Variants in PSD3 observed in about 807,000 individuals in gnomAD.
The protein encoded by PSD3 is PH and SEC7 domain-containing protein 3.
In PSD3, 49 loss-of-function variants were observed where a neutral mutation model predicts 105.5. The ratio of observed to expected loss-of-function variants is 0.46; its 90% CI spans 0.37 to 0.59. PSD3 has a LOEUF of 0.59. Ranked by LOEUF, PSD3 falls within the 20% of genes least tolerant of loss-of-function variation. PSD3 has a pLI of 0.00. For missense variants in PSD3, 1,561 were observed against 1,263.8 expected (o/e 1.24, Z -3.57); for synonymous variants, 557 against 457.8 (o/e 1.22, Z -2.77).
intron 12 of PSD3, among the ~76,000 whole-genome samples, chr8:18,588,343 G>A (rs1803348113): frequency 6.6e-6 from 1 of 152,170 alleles, no homozygotes. Context: ...TCCATTGATT[G>A]AGGAATTAGT....
chr8:19,025,488 G>C (rs1827515932), intron 1 of PSD3, among the ~76,000 whole-genome samples: 1 of 152,140 alleles, frequency 6.6e-6, no homozygotes, highest in Non-Finnish European at 1.5e-5. Flanking sequence ...TGAGTTTCTT[G>C]ACGGTGTCCT....
intron 9 of PSD3, among the ~76,000 whole-genome samples, chr8:18,742,472 G>A (rs1023708541): frequency 6.6e-6 from 1 of 152,122 alleles, no homozygotes; most frequent in African/African-American, 2.4e-5. Flanking sequence ...GAAACAAACT[G>A]ATGTTATATC....
intron 4 of PSD3, among the ~76,000 whole-genome samples, chr8:18,853,739 T>C (rs1815775794): frequency 6.6e-6 from 1 of 152,066 alleles, no homozygotes; most frequent in Non-Finnish European, 1.5e-5. Flanking sequence ...ATGACTAAGC[T>C]CAAATTAGTG....
intron 10 of PSD3, 57 bp downstream of exon 10, chr8:18,655,585 A>G (rs1808827978): frequency 2.6e-5 from 39 of 1,487,660 alleles, no homozygotes; most frequent in Non-Finnish European, 3.7e-5. Flanking sequence ...AGGCATAAAG[A>G]CAGTAGGAAA....
At chr8:19,074,081 C>T (rs1016586511) in intron 1 of PSD3, among the ~76,000 whole-genome samples, 4 of 152,280 alleles carry the variant, frequency 2.6e-5, no homozygotes, top group East Asian at 1.9e-4. Flanking sequence ...CGAGCCACCG[C>T]GCCCCGCAGC....
chr8:19,014,053 C>A, upstream of PSD3: 1 of 153,382 alleles, frequency 6.5e-6, no homozygotes, highest in Non-Finnish European at 1.5e-5. This position sits in a 1 kb window ranked among gnomAD's most constrained non-coding sequence, Gnocchi z 4.9. Flanking sequence ...AGCCCGCGAG[C>A]GAAAACCTGC....
chr8:18,807,210 T>C (rs1811279094), intron 4 of PSD3, among the ~76,000 whole-genome samples: 1 of 152,204 alleles, frequency 6.6e-6, no homozygotes, highest in South Asian at 2.1e-4. Flanking sequence ...CCCACTGCTC[T>C]ACCAAGGAAG....
At chr8:19,066,181 TC>T (rs1829070325) in intron 1 of PSD3, among the ~76,000 whole-genome samples, 1 of 152,154 alleles carries the variant, frequency 6.6e-6, no homozygotes, top group African/African-American at 2.4e-5. Flanking sequence ...TAAAAGCAGT[TC>T]CCAACTGGTA....
At chr8:18,955,440 T>C (rs555824825) in intron 1 of PSD3, among the ~76,000 whole-genome samples, 23 of 152,328 alleles carry the variant, frequency 1.5e-4, no homozygotes, top group Admixed American at 1.2e-3. Context: ...AATGTTGATA[T>C]ATTTTCATTT....
rs560132697 is a variant in PSD3, at chr8:18,804,461, T to C, written c.1910+61A>G. 28 of 1,384,796 alleles carry C rather than the reference T, an allele frequency of 2.0e-5. No individual in the cohort carries two copies. In the African/African-American group the frequency reaches 4.1e-4, roughly 20 times the overall value. 85.8% of individuals were successfully genotyped at this position (1,384,796 alleles called of 1,614,324 possible). A position where few individuals can be genotyped will look rare whatever the true frequency, so the allele number is the denominator to read the frequency against. ...AAGATTCTAGCTAGAAGACATTACTTTCTTCTCTAAGAACTAATCATTTGA... is the reference window on the plus strand; with the variant it reads ...AAGATTCTAGCTAGAAGACATTACTCTCTTCTCTAAGAACTAATCATTTGA... On this transcript the variant is annotated intron_variant, in intron 6 of 15. Transcript: ENST00000327040.
At chr8:18,986,780 GA>G (rs1017617153) in intron 1 of PSD3, among the ~76,000 whole-genome samples, 1 of 152,134 alleles carries the variant, frequency 6.6e-6, no homozygotes, top group Non-Finnish European at 1.5e-5. Context: ...TCCATTAAGG[GA>G]AGACCAAGAT....
At chr8:18,858,045 T>A (rs1185299948) in intron 4 of PSD3, among the ~76,000 whole-genome samples, 4 of 152,226 alleles carry the variant, frequency 2.6e-5, no homozygotes, top group African/African-American at 4.8e-5. Flanking sequence ...CCTTGCACCA[T>A]GACCACTGTC....
chr8:18,775,570 T>G (rs1409205265), intron 8 of PSD3, among the ~76,000 whole-genome samples: 1 of 152,224 alleles, frequency 6.6e-6, no homozygotes, highest in African/African-American at 2.4e-5. Flanking sequence ...GTGGTTTTGA[T>G]TTGCATTTCC....
chr8:18,712,307 A>T (rs1280121046), intron 9 of PSD3, among the ~76,000 whole-genome samples: 6 of 148,514 alleles, frequency 4.0e-5, no homozygotes, highest in Non-Finnish European at 7.4e-5. Context: ...GGACATGAAA[A>T]ATCCTTCCAA....
At chr8:18,841,424 AAGTTCTT>A (rs1814616355) in intron 4 of PSD3, among the ~76,000 whole-genome samples, 1 of 151,838 alleles carries the variant, frequency 6.6e-6, no homozygotes, top group Non-Finnish European at 1.5e-5. Context: ...ATAAAACTTA[AAGTTCTT>A]AGTAAATCTT....
intron 1 of PSD3, among the ~76,000 whole-genome samples, chr8:19,071,165 T>C (rs1829246420): frequency 1.3e-5 from 2 of 152,018 alleles, no homozygotes; most frequent in South Asian, 2.1e-4. Flanking sequence ...GTTCAAGTGA[T>C]TCTCGTGCCT....
At chr8:18,690,502 C>T (rs1249108274) in intron 9 of PSD3, among the ~76,000 whole-genome samples, 1 of 152,148 alleles carries the variant, frequency 6.6e-6, no homozygotes, top group Non-Finnish European at 1.5e-5. Context: ...CTATTTTGAA[C>T]CCCAGCAGAT....
chr8:18,651,362 A>G (rs1459787373), intron 10 of PSD3, among the ~76,000 whole-genome samples: 1 of 152,264 alleles, frequency 6.6e-6, no homozygotes, highest in Non-Finnish European at 1.5e-5. Context: ...TCTAACATCC[A>G]CATCAAGATG....
Position 18,653,406 on chromosome 8 carries a change from C to T in PSD3, c.2216+2236G>A, listed in dbSNP as rs866459281. Among the ~76,000 whole-genome samples, 7 of 151,770 alleles carry T rather than the reference C, an allele frequency of 4.6e-5. No individual in the cohort carries two copies. In the South Asian group the frequency reaches 1.5e-3, roughly 32 times the overall value. ...GAAATTGGAGCTTTGAAAGCTACAG[C>T]ATCAGGCATCAATTGAAGAGCAACT... On this transcript the variant is annotated intron_variant, in intron 10 of 15. Transcript: ENST00000327040.
Sources: gnomAD v4.1 joint callset for allele counts (sites outside exome capture counted in the v4.1 genomes callset) on GRCh38, gnomAD v4.1.1 for gene constraint, Gnocchi (gnomAD v3.1) non-coding constraint, MANE v1.5 for transcripts, NCBI Gene and HGNC (gene_info 2026-07-23, HGNC 2026-07-21) for gene names.